Variants in SHTN1 observed in about 807,000 individuals in gnomAD.
SHTN1 encodes the protein shootin 1, also known as shootin-1.
SHTN1 carries 42 observed loss-of-function variants against 83.1 expected under a neutral mutation model. The observed-to-expected ratio is 0.51, with a 90% CI of 0.39 to 0.65. The LOEUF (loss-of-function observed/expected upper bound fraction) is 0.65. Among genes scored for constraint, SHTN1 ranks in the 30% least tolerant of loss-of-function variants. The probability of loss-of-function intolerance (pLI) is 0.00; values close to 1 mark genes in which losing one functional copy is unlikely to be tolerated. For missense variants in SHTN1, 622 were observed against 737.8 expected, an observed-to-expected ratio of 0.84 and a Z score of 1.82; for synonymous variants, 224 against 247.7, an observed-to-expected ratio of 0.90 and a Z score of 0.90.
intron 1 of SHTN1, among the ~76,000 whole-genome samples, chr10:117,081,296 G>A (rs1214642639): frequency 1.3e-5 from 2 of 151,296 alleles, no homozygotes; most frequent in African/African-American, 4.9e-5. Flanking sequence ...AGATAATCAT[G>A]TGGTTTTTGT....
intron 16 of SHTN1, among the ~76,000 whole-genome samples, chr10:116,899,559 G>A (rs1293279914): frequency 2.0e-5 from 3 of 146,954 alleles, no homozygotes; most frequent in Admixed American, 1.4e-4. Context: ...GAGAGTGCAT[G>A]CATACATATG....
intron 1 of SHTN1, among the ~76,000 whole-genome samples, chr10:117,079,778 T>C (rs1229811608): frequency 7.0e-6 from 1 of 142,618 alleles, no homozygotes; most frequent in African/African-American, 2.6e-5. Context: ...TGCATTTCTC[T>C]GATGGCCAGT....
chr10:117,034,640 TA>T lies in SHTN1; in HGVS notation c.-123+13804del, dbSNP rs200237896. Among the ~76,000 whole-genome samples, 542 of 143,304 alleles carry T rather than the reference TA, an allele frequency of 3.8e-3. 1 individual carries two copies. Among genetic ancestry groups the T allele is most frequent in the African/African-American group, 8.5e-3 (331 of 39,058 alleles). 94.0% of individuals were successfully genotyped at this position (143,304 alleles called of 152,430 possible). On this transcript the variant is annotated intron_variant, in intron 2 of 17. Coordinates refer to the SHTN1 transcript ENST00000392901. ...TGGGCAACAGAGCAAGACTCCATCT[TA>T]AAAAAAAAAAAATCAACATAGAAAA...
intron 6 of SHTN1, 113 bp from the exon 7 acceptor site, chr10:116,949,110 AGC>A: frequency 1.6e-6 from 2 of 1,215,000 alleles, no homozygotes; most frequent in Non-Finnish European, 2.2e-6. Flanking sequence ...TACAATTTAA[AGC>A]AGAAATTGGT....
intron 1 of SHTN1, among the ~76,000 whole-genome samples, chr10:117,104,373 G>T (rs963093368): frequency 6.6e-6 from 1 of 152,114 alleles, no homozygotes; most frequent in Non-Finnish European, 1.5e-5. Context: ...ATAGTTATTT[G>T]GGTACAAGAG....
intron 1 of SHTN1, among the ~76,000 whole-genome samples, chr10:117,084,711 G>C (rs141293680): frequency 0.024 from 3,716 of 152,210 alleles, 136 homozygotes; most frequent in East Asian, 0.12. Context: ...AGGACCCTCC[G>C]AGCCAGGTGC....
intron 16 of SHTN1, chr10:116,900,702 T>C (rs1847699854): frequency 1.0e-6 from 1 of 984,830 alleles, no homozygotes; most frequent in Non-Finnish European, 1.2e-6. Flanking sequence ...ATAGGAAAGA[T>C]GGAGAATGAA....
chr10:116,900,658 T>C lies in SHTN1; in HGVS notation c.1673+1107A>G, dbSNP rs187526181. Reference sequence around the variant, plus strand: ...GGATATTGGTTCAAATGTAGCCAGATTGTTGATGTCAAATTAGGTGTTAAA... The same window carrying C: ...GGATATTGGTTCAAATGTAGCCAGACTGTTGATGTCAAATTAGGTGTTAAA... On this transcript the variant is annotated intron_variant, in intron 16 of 16. Transcript: ENST00000355371. 1.4e-3 allele frequency: 2,018 copies of C among 1,492,366 alleles called. 3 individuals carry two copies. Among genetic ancestry groups the C allele is most frequent in the Non-Finnish European group, 1.7e-3 (1,895 of 1,126,618 alleles). The allele number at this position is 1,492,366 out of a possible 1,614,324, so 92.4% of individuals were successfully genotyped here.
intron 14 of SHTN1, chr10:116,911,453 T>C (rs533091914): frequency 1.5e-4 from 225 of 1,547,398 alleles, no homozygotes; most frequent in Non-Finnish European, 1.9e-4. Flanking sequence ...TCATCTATTA[T>C]ATTTCTGTTT....
chr10:116,953,623 G>GTTTTTTT (rs759706275), intron 5 of SHTN1, among the ~76,000 whole-genome samples: 3,077 of 92,328 alleles, frequency 0.033, 35 homozygotes, highest in Non-Finnish European at 0.046. Context: ...TTTGTGTTTT[G>GTTTTTTT]TTTTTTTTTT....
intron 1 of SHTN1, among the ~76,000 whole-genome samples, chr10:117,004,617 A>T (rs1851943220): frequency 6.6e-6 from 1 of 152,134 alleles, no homozygotes; most frequent in Admixed American, 6.5e-5. Context: ...CAGCGCCAAC[A>T]AATGTGTAAG....
intron 2 of SHTN1, among the ~76,000 whole-genome samples, chr10:117,025,618 G>A (rs1021450844): frequency 6.6e-6 from 1 of 152,070 alleles, no homozygotes; most frequent in Admixed American, 6.6e-5. Context: ...CCTAACCCCA[G>A]GCTGCACATC....
chr10:117,074,287 G>T (rs1229176800), intron 1 of SHTN1, among the ~76,000 whole-genome samples: 1 of 152,076 alleles, frequency 6.6e-6, no homozygotes, highest in East Asian at 1.9e-4. Flanking sequence ...CAAACTCTGT[G>T]ACAGGGTGCA....
At chr10:117,025,462 C>G (rs768972898) in intron 2 of SHTN1, among the ~76,000 whole-genome samples, 8 of 152,152 alleles carry the variant, frequency 5.3e-5, no homozygotes, top group Non-Finnish European at 1.0e-4. Context: ...GAAAGGCAAT[C>G]TAAGGACACA....
chr10:116,954,775 G>A (rs2133428335), intron 4 of SHTN1, among the ~76,000 whole-genome samples: 1 of 152,282 alleles, frequency 6.6e-6, no homozygotes, highest in South Asian at 2.1e-4. Context: ...GGCTGGAACA[G>A]AGCAATGAGT....
intron 1 of SHTN1, among the ~76,000 whole-genome samples, chr10:117,091,603 G>T (rs1047437105): frequency 2.0e-4 from 30 of 152,174 alleles, no homozygotes; most frequent in Non-Finnish European, 2.9e-5. Context: ...TTTCCAAGCA[G>T]CCTCTCTTAA....
At chr10:116,979,199 A>G in intron 2 of SHTN1, 57 bp downstream of exon 2, 1 of 1,431,908 alleles carries the variant, frequency 7.0e-7, no homozygotes, top group Non-Finnish European at 9.8e-7. Flanking sequence ...ACAATGCACT[A>G]TGCCGCCTAG....
intron 1 of SHTN1, among the ~76,000 whole-genome samples, chr10:117,118,363 CAAAAAAAAAAA>C (rs57432703): frequency 2.9e-3 from 346 of 118,424 alleles, no homozygotes; most frequent in African/African-American, 5.7e-3. Context: ...TAATCCATTT[CAAAAAAAAAAA>C]AAAAAAAAAA....
chr10:116,930,081 A>T, intron 9 of SHTN1, 79 bp from the exon 10 acceptor site: 5 of 966,534 alleles, frequency 5.2e-6, no homozygotes, highest in Non-Finnish European at 7.6e-6. Context: ...GAAAAAATAA[A>T]TATTTCCCTT....
Sources: allele counts gnomAD v4.1 joint callset (sites outside exome capture counted in the v4.1 genomes callset), GRCh38; gene constraint gnomAD v4.1.1; transcripts MANE v1.5; gene names NCBI Gene and HGNC (gene_info 2026-07-23, HGNC 2026-07-21).